The following ZSCAN25 variants were observed in gnomAD, a reference collection of about 807,000 sequenced individuals.
ZSCAN25 encodes zinc finger and SCAN domain-containing protein 25.
In ZSCAN25, 27 loss-of-function variants were observed where a neutral mutation model predicts 38.7. The observed-to-expected ratio is 0.70, with a 90% CI of 0.51 to 0.96. The LOEUF (loss-of-function observed/expected upper bound fraction) is 0.96. ZSCAN25 is among the 40% of genes least tolerant of loss of function. The probability of loss-of-function intolerance (pLI) is 0.00; values close to 1 mark genes in which losing one functional copy is unlikely to be tolerated. For synonymous variants in ZSCAN25, 273 were observed against 277.7 expected (o/e 0.98, Z 0.17); for missense variants, 637 against 705.9 (o/e 0.90, Z 1.11).
At chr7:99,672,775 A>G in the ZSCAN25 span, 1 of 1,586,118 alleles carries the variant, frequency 6.3e-7, no homozygotes. Context: ...TATGTTATGT[A>G]ATCCATACCC....
chr7:99,676,369 G>T, the ZSCAN25 span: 4 of 1,528,796 alleles, frequency 2.6e-6, no homozygotes, highest in East Asian at 1.0e-4. Flanking sequence ...CACTCATCAG[G>T]TCCTTTCCTG....
At chr7:99,709,566 C>T in the ZSCAN25 span, among the ~76,000 whole-genome samples, 1 of 152,082 alleles carries the variant, frequency 6.6e-6, no homozygotes, top group Admixed American at 6.6e-5. Context: ...GACTAATAGG[C>T]TATGACCACT....
chr7:99,646,945 A>G, the ZSCAN25 span, among the ~76,000 whole-genome samples: 11 of 152,210 alleles, frequency 7.2e-5, no homozygotes, highest in African/African-American at 2.7e-4. Flanking sequence ...CTAGAAAAGT[A>G]TGAATGTACA....
chr7:99,723,139 A>G, the ZSCAN25 span, among the ~76,000 whole-genome samples: 1 of 152,288 alleles, frequency 6.6e-6, no homozygotes, highest in East Asian at 1.9e-4. Context: ...TGACATGGGA[A>G]AGTGGTGGGT....
chr7:99,641,251 G>A, the ZSCAN25 span, among the ~76,000 whole-genome samples: 1 of 152,168 alleles, frequency 6.6e-6, no homozygotes, highest in Non-Finnish European at 1.5e-5. Flanking sequence ...TGAAGGGGAT[G>A]CAAACATGTC....
the ZSCAN25 span, among the ~76,000 whole-genome samples, chr7:99,646,158 G>A: frequency 6.6e-6 from 1 of 152,078 alleles, no homozygotes; most frequent in African/African-American, 2.4e-5. Context: ...GAATGTCATT[G>A]GTATTTTGAT....
chr7:99,624,293 G>T, intron 7 of ZSCAN25, 113 bp downstream of exon 7: 5 of 1,389,314 alleles, frequency 3.6e-6, no homozygotes, highest in Non-Finnish European at 5.0e-6. Flanking sequence ...CATGGCAGGC[G>T]GGTAAATGGG....
At chr7:99,714,789 T>C in the ZSCAN25 span, 1 of 1,532,268 alleles carries the variant, frequency 6.5e-7, no homozygotes, top group Non-Finnish European at 8.8e-7. Flanking sequence ...AATACATCAG[T>C]GTTCTCAACT....
the ZSCAN25 span, among the ~76,000 whole-genome samples, chr7:99,697,451 G>A: frequency 6.6e-6 from 1 of 152,224 alleles, no homozygotes; most frequent in Admixed American, 6.5e-5. Context: ...TTAGGAAAAT[G>A]TGGCTGAAAA....
chr7:99,730,616 G>A, the ZSCAN25 span: 1 of 182,690 alleles, frequency 5.5e-6, no homozygotes, highest in Non-Finnish European at 1.2e-5. Flanking sequence ...TGTGCAGGAG[G>A]AAGGGAAAAA....
the ZSCAN25 span, among the ~76,000 whole-genome samples, chr7:99,673,771 T>C: frequency 1.6e-4 from 25 of 152,206 alleles, no homozygotes; most frequent in East Asian, 2.7e-3. Context: ...TCTGAGACAA[T>C]GCATGTGATA....
chr7:99,732,770 G>T, the ZSCAN25 span, among the ~76,000 whole-genome samples: 5 of 152,290 alleles, frequency 3.3e-5, no homozygotes, highest in South Asian at 1.0e-3. Flanking sequence ...AAAGTACGGT[G>T]TGTATAAATG....
At chr7:99,667,049 C>A in the ZSCAN25 span, 26 of 1,613,900 alleles carry the variant, frequency 1.6e-5, no homozygotes, top group Admixed American at 3.5e-4. Flanking sequence ...TTTCATAAAT[C>A]CCACTGGGCC....
chr7:99,714,021 GAGTTAGCC>G, the ZSCAN25 span, among the ~76,000 whole-genome samples: 1 of 152,084 alleles, frequency 6.6e-6, no homozygotes, highest in Non-Finnish European at 1.5e-5. Flanking sequence ...AGGCAAAGCT[GAGTTAGCC>G]AGCCTTGCAG....
At chr7:99,686,018 C>T in the ZSCAN25 span, among the ~76,000 whole-genome samples, 3 of 152,278 alleles carry the variant, frequency 2.0e-5, no homozygotes, top group South Asian at 2.1e-4. Flanking sequence ...AGCCAAAACT[C>T]GGGGGGTGGA....
At chr7:99,655,924 G>C in the ZSCAN25 span, among the ~76,000 whole-genome samples, 4 of 152,310 alleles carry the variant, frequency 2.6e-5, 1 homozygote, top group African/African-American at 9.6e-5. Context: ...TTTGCACATT[G>C]ATTTTGTATC....
At chr7:99,732,851 G>A in the ZSCAN25 span, among the ~76,000 whole-genome samples, 1 of 152,176 alleles carries the variant, frequency 6.6e-6, no homozygotes, top group Non-Finnish European at 1.5e-5. Flanking sequence ...CCTTCCTGTT[G>A]ATAGCAAAAG....
At chr7:99,644,747 A>G in the ZSCAN25 span, among the ~76,000 whole-genome samples, 1 of 151,968 alleles carries the variant, frequency 6.6e-6, no homozygotes, top group African/African-American at 2.4e-5. Context: ...CATGTTCTTC[A>G]CTCACAGAAA....
chr7:99,647,441 C>G, the ZSCAN25 span: 13 of 949,486 alleles, frequency 1.4e-5, no homozygotes, highest in Non-Finnish European at 1.6e-5. Context: ...GCTGCCCAAT[C>G]AACTGACGAA....
Sources: gnomAD v4.1 joint callset for allele counts (sites outside exome capture counted in the v4.1 genomes callset) on GRCh38, gnomAD v4.1.1 for gene constraint, MANE v1.5 for transcripts, NCBI Gene and HGNC (gene_info 2026-07-23, HGNC 2026-07-21) for gene names.